RAB44: variants seen among roughly 807,000 people sequenced by gnomAD.
RAB44 encodes the protein RAB44, member RAS oncogene family.
Under a neutral mutation model 93.3 loss-of-function variants are expected in RAB44, and 67 were observed. The ratio of observed to expected loss-of-function variants is 0.72; its 90% confidence interval spans 0.59 to 0.88. The LOEUF (loss-of-function observed/expected upper bound fraction) is 0.88. RAB44 is among the 40% of genes least tolerant of loss of function. The pLI is 0.00. For synonymous variants in RAB44, 427 were observed against 520.3 expected, an observed-to-expected ratio of 0.82 and a Z score of 2.44; for missense variants, 1,064 against 1,261.7, an observed-to-expected ratio of 0.84 and a Z score of 2.37.
intron 12 of RAB44, 128 bp from the exon 13 acceptor site, chr6:36,730,545 G>A (rs953713491): frequency 2.0e-6 from 1 of 489,928 alleles, no homozygotes; most frequent in Non-Finnish European, 3.2e-6. Flanking sequence ...GGGCTGTCTT[G>A]CTCGCCACTG....
chr6:36,727,473 G>A, intron 10 of RAB44, 104 bp from the exon 11 acceptor site: 1 of 716,710 alleles, frequency 1.4e-6, no homozygotes, highest in Non-Finnish European at 2.5e-6. Flanking sequence ...GACATGCTCT[G>A]TGGGAAGCAA....
chr6:36,711,387 G>A (rs991290380), intron 2 of RAB44, among the ~76,000 whole-genome samples: 26 of 152,164 alleles, frequency 1.7e-4, no homozygotes, highest in African/African-American at 6.0e-4. Context: ...ATGAAAAACA[G>A]AATGTATACT....
At chr6:36,701,244 G>C (rs1762501697) in intron 1 of RAB44, among the ~76,000 whole-genome samples, 1 of 151,972 alleles carries the variant, frequency 6.6e-6, no homozygotes, top group Admixed American at 6.5e-5. Context: ...CTAATAGCTA[G>C]AACTTCAAGC....
At chr6:36,714,370 A>T (rs926673580) in intron 3 of RAB44, among the ~76,000 whole-genome samples, 9 of 152,106 alleles carry the variant, frequency 5.9e-5, no homozygotes, top group Admixed American at 5.2e-4. Context: ...AGACTTAGGG[A>T]GCCCATGGCC....
At position 36,722,407 on chromosome 6, in the gene RAB44, C is replaced by A; in HGVS notation, c.2273C>A (p.Pro758His). Reference sequence around the variant, plus strand: ...GCTCAGCCTGGGGCTGGAGCAGGACCCCAGGAACCCACGCAAACCCCTCCC... The same window carrying A: ...GCTCAGCCTGGGGCTGGAGCAGGACACCAGGAACCCACGCAAACCCCTCCC... ...RGAQPGAGAG[P>H]QEPTQTPPTM... The change falls in exon 9 of 14, where the codon CCC becomes CAC. Residue 758 changes from proline to histidine, a missense_variant. Pro to His is a moderately conservative substitution (Grantham distance 77, BLOSUM62 -2). Transcript: ENST00000612677. 1 of 1,411,818 alleles carries A rather than the reference C, an allele frequency of 7.1e-7. No homozygotes were observed. Among genetic ancestry groups the A allele is most frequent in the Non-Finnish European group, 9.2e-7 (1 of 1,086,294 alleles). The allele number at this position is 1,411,818 out of a possible 1,614,324, so 87.5% of individuals were successfully genotyped here. A position where few individuals can be genotyped will look rare whatever the true frequency, so the allele number is the denominator to read the frequency against.
Position 36,717,264 on chromosome 6 carries a change from C to T in RAB44, c.495-9C>T. The T allele has an allele frequency of 8.1e-7, 1 of 1,232,118 alleles. No homozygotes were observed. Among genetic ancestry groups the T allele is most frequent in the Non-Finnish European group, 1.0e-6 (1 of 987,950 alleles). 76.3% of individuals were successfully genotyped at this position (1,232,118 alleles called of 1,614,324 possible). On this transcript the variant is annotated splice_polypyrimidine_tract_variant and intron_variant, in intron 4 of 13. Transcript: ENST00000612677. The surrounding 1 kb of genome is among the most constrained non-coding windows in gnomAD (Gnocchi z 4.1). ...ACCCTCCCATCTCTGGCTGTCTTCC[C>T]CTCCCCAGGCAGATGGAAATCTGGC...
At chr6:36,728,564 A>G (rs1763289876) in intron 11 of RAB44, 136 bp from the exon 12 acceptor site, 1 of 673,080 alleles carries the variant, frequency 1.5e-6, no homozygotes, top group Non-Finnish European at 2.7e-6. Flanking sequence ...GAAAGGGTCC[A>G]GGTGAGAAGG....
At chr6:36,727,798 A>G in intron 11 of RAB44, 107 bp downstream of exon 11, 4 of 776,822 alleles carry the variant, frequency 5.1e-6, no homozygotes, top group Non-Finnish European at 8.8e-6. Context: ...CATGACAGAC[A>G]TATGGGTGAC....
In RAB44 at chr6:36,713,812, T is replaced by C. The variant is rs1382745046; in HGVS notation, c.208-16T>C. On this transcript the variant is annotated splice_polypyrimidine_tract_variant and intron_variant, in intron 2 of 13. Coordinates refer to ENST00000612677, the MANE Select transcript of RAB44 (RefSeq NM_001257357.2). ...CCCCGGTGGGAACACCTGCCCAACT[T>C]GCCCATTCCTTCCAGGTGGCCAAGT... is the stretch of plus-strand genomic sequence containing the variant. 7 of 1,508,954 alleles carry C rather than the reference T, an allele frequency of 4.6e-6. No homozygotes were observed. The East Asian group carries it at 1.5e-4, about 32-fold the overall frequency. The allele number at this position is 1,508,954 out of a possible 1,614,324, so 93.5% of individuals were successfully genotyped here.
intron 4 of RAB44, among the ~76,000 whole-genome samples, chr6:36,716,540 C>T (rs1418889594): frequency 6.6e-6 from 1 of 152,040 alleles, no homozygotes. Context: ...CTAGGACCCC[C>T]GGGTCTGTTA....
At position 36,714,405 on chromosome 6, in the gene RAB44, T is replaced by A. The variant is rs573951129; in HGVS notation, c.319+466T>A. 2.6e-5 allele frequency among the ~76,000 whole-genome samples: 4 copies of A among 152,178 alleles called. No individual in the cohort carries two copies. The South Asian group carries it at 6.2e-4, about 24-fold the overall frequency. On this transcript the variant is annotated intron_variant, in intron 3 of 13. Coordinates refer to ENST00000612677, the MANE Select transcript of RAB44 (RefSeq NM_001257357.2). ...CAGCAGGGCACAATCCTCCCGCTAA[T>A]CCTCTCCCTGGGAAGACCTTCCAGC...
intron 1 of RAB44, among the ~76,000 whole-genome samples, chr6:36,701,664 C>T (rs1762511505): frequency 6.6e-6 from 1 of 152,192 alleles, no homozygotes; most frequent in Non-Finnish European, 1.5e-5. Context: ...GCACCTGACA[C>T]ACAGGTATGC....
In RAB44 at chr6:36,723,875, G is replaced by A. The variant is rs1226874051; in HGVS notation, c.2599+1142G>A. ...AAAAAGCAAACCCGAGGGAATGGAG[G>A]GGAGACCCACCTAGGGACAAAGAAG... On this transcript the variant is annotated intron_variant, in intron 9 of 13. Coordinates refer to ENST00000612677, the MANE Select transcript of RAB44 (RefSeq NM_001257357.2). Among the ~76,000 whole-genome samples, 3 of 145,158 alleles carry A rather than the reference G, an allele frequency of 2.1e-5. No homozygotes were observed. The Admixed American group carries it at 2.1e-4, about 10-fold the overall frequency.
chr6:36,721,828 A>G lies in RAB44; in HGVS notation c.1694A>G (p.Gln565Arg). Residue 565 changes from glutamine to arginine, a missense_variant, in exon 9 of 14, where the codon CAG becomes CGG. Coordinates refer to ENST00000612677, the MANE Select transcript of RAB44 (RefSeq NM_001257357.2). ...TPPTMTERET[Q>R]PGPSPTTALT... ...CCCACCATGACTGAGCGGGAAACCC[A>G]GCCCGGACCCTCACCCACAACTGCC... The G allele has an allele frequency of 8.1e-7, 1 of 1,234,604 alleles. No individual in the cohort carries two copies. The highest frequency in any genetic ancestry group is 1.0e-6 in the Non-Finnish European group (1 of 988,482). The allele number at this position is 1,234,604 out of a possible 1,614,324, so 76.5% of individuals were successfully genotyped here. A position where few individuals can be genotyped will look rare whatever the true frequency, so the allele number is the denominator to read the frequency against.
At chr6:36,720,111 G>A (rs904200293) in intron 7 of RAB44, among the ~76,000 whole-genome samples, 4 of 152,154 alleles carry the variant, frequency 2.6e-5, no homozygotes, top group East Asian at 3.9e-4. Flanking sequence ...CCTTTGTGGC[G>A]CTGGTGGTTT....
chr6:36,729,672 G>A (rs1230613050), intron 12 of RAB44, among the ~76,000 whole-genome samples: 4 of 151,844 alleles, frequency 2.6e-5, no homozygotes, highest in African/African-American at 4.8e-5. Flanking sequence ...TAGTAGAGAC[G>A]GGGTTTCACC....
intron 1 of RAB44, among the ~76,000 whole-genome samples, chr6:36,700,442 T>C (rs1762482971): frequency 6.6e-6 from 1 of 152,232 alleles, no homozygotes; most frequent in Non-Finnish European, 1.5e-5. Flanking sequence ...CTTTTAATTT[T>C]ACTTTTTTAT....
At chr6:36,713,219 G>A (rs1762830498) in intron 2 of RAB44, among the ~76,000 whole-genome samples, 1 of 152,064 alleles carries the variant, frequency 6.6e-6, no homozygotes, top group South Asian at 2.1e-4. Flanking sequence ...TTTTGAAACG[G>A]AGTTTCACTC....
At chr6:36,711,881 T>C (rs1333244487) in intron 2 of RAB44, among the ~76,000 whole-genome samples, 2 of 146,230 alleles carry the variant, frequency 1.4e-5, no homozygotes, top group Non-Finnish European at 3.0e-5. Context: ...CCAGCTTGAG[T>C]GACAGAGTAA....
Sources: gnomAD v4.1 joint callset for allele counts (sites outside exome capture counted in the v4.1 genomes callset) on GRCh38, gnomAD v4.1.1 for gene constraint, Gnocchi (gnomAD v3.1) non-coding constraint, MANE v1.5 for transcripts, NCBI Gene and HGNC (gene_info 2026-07-23, HGNC 2026-07-21) for gene names.